The following LILRB4 variants were observed in gnomAD, a reference collection of about 807,000 sequenced individuals.
LILRB4 encodes leukocyte immunoglobulin like receptor B4, also known as leukocyte immunoglobulin-like receptor subfamily B member 4.
In LILRB4, 49 loss-of-function variants were observed where a neutral mutation model predicts 55.2. That is an observed-to-expected ratio of 0.89 (90% CI 0.71 to 1.13). LILRB4 has a LOEUF of 1.13. Ranked by LOEUF, LILRB4 falls within the 50% of genes most tolerant of loss-of-function variation. The pLI is 0.00. For missense variants in LILRB4, 590 were observed against 555.2 expected, an observed-to-expected ratio of 1.06 and a Z score of -0.63; for synonymous variants, 229 against 213.8, an observed-to-expected ratio of 1.07 and a Z score of -0.62.
chr19:54,664,946 T>G, intron 5 of LILRB4, 97 bp downstream of exon 5: 1 of 1,409,010 alleles, frequency 7.1e-7, no homozygotes, highest in Non-Finnish European at 9.9e-7. Flanking sequence ...AATTCTCAGC[T>G]GGGCTTGCTT....
chr19:54,665,828 C>G lies in LILRB4; in HGVS notation c.771C>G (p.His257Gln). ...ATCACGCCCAAGGTCTGAGAAGGCA[C>G]TGGGAGGTACTGATCGGGGTCTTGG... The change falls in exon 7 of 12, where the codon CAC becomes CAG. Residue 257 changes from histidine (H) to glutamine (Q), a missense_variant. By Grantham distance (24) the His-to-Gln change is conservative. Coordinates refer to ENST00000430952, the Ensembl canonical transcript of LILRB4. The surrounding 1 kb of genome is among the most constrained non-coding windows in gnomAD (Gnocchi z 5.5). 2.5e-6 allele frequency: 4 copies of G among 1,609,172 alleles called. No homozygotes were observed. Among genetic ancestry groups the G allele is most frequent in the Non-Finnish European group, 3.4e-6 (4 of 1,177,866 alleles).
chr19:54,666,820 G>A lies in LILRB4; in HGVS notation c.1041+71G>A. The A allele has an allele frequency of 1.4e-6, 2 of 1,421,042 alleles. No homozygotes were observed. The highest frequency in any genetic ancestry group is 1.0e-6 in the Non-Finnish European group (1 of 1,004,928). The allele number at this position is 1,421,042 out of a possible 1,614,324, so 88.0% of individuals were successfully genotyped here. ...AGATCTAATCCTGCAGGACTTCTCT[G>A]TCCTCCTTCCCCCGGCTCTCAGCAT... On this transcript the variant is annotated intron_variant, in intron 10 of 11. Coordinates refer to ENST00000430952, the Ensembl canonical transcript of LILRB4. The surrounding 1 kb of genome is among the most constrained non-coding windows in gnomAD (Gnocchi z 4.8).
rs2065223723 is a variant in LILRB4, at chr19:54,665,454, A to T, written c.757+274A>T. 6.6e-6 allele frequency among the ~76,000 whole-genome samples: 1 copy of T among 151,708 alleles called. No homozygotes were observed. Among genetic ancestry groups the T allele is most frequent in the Admixed American group, 6.6e-5 (1 of 15,252 alleles). ...GCCTGTCCGGTCCCACCTGCAGCAG[A>T]GACGGTGACCTGGGGCAGGGGAGGG... On this transcript the variant is annotated intron_variant, in intron 6 of 11. Transcript: ENST00000430952. This position sits in a 1 kb window ranked among gnomAD's most constrained non-coding sequence, Gnocchi z 5.5.
chr19:54,667,775 C>A, exon 11 of LILRB4: 1 of 1,610,928 alleles, frequency 6.2e-7, no homozygotes, highest in Middle Eastern at 2.1e-4. Flanking sequence ...CAGAAGAGGA[C>A]AGACAGATGG....
exon 12 of LILRB4, chr19:54,668,313 A>C: frequency 5.9e-6 from 2 of 339,190 alleles, no homozygotes; most frequent in Non-Finnish European, 1.1e-5. Flanking sequence ...CATCAAACCA[A>C]TGACATGGGA....
Position 54,665,610 on chromosome 19 carries a change from G to T in LILRB4, c.758-205G>T, listed in dbSNP as rs1358810239. 6.6e-6 allele frequency among the ~76,000 whole-genome samples: 1 copy of T among 152,170 alleles called. No individual in the cohort carries two copies. Among genetic ancestry groups the T allele is most frequent in the Non-Finnish European group, 1.5e-5 (1 of 68,022 alleles). On this transcript the variant is annotated intron_variant, in intron 6 of 11. Transcript: ENST00000430952. This position sits in a 1 kb window ranked among gnomAD's most constrained non-coding sequence, Gnocchi z 5.5. ...CAGCTCTGCCGCTTCCTGGCTGGAG[G>T]GGTCTGGGGCAGGCGATTCCCCTCT...
intron 2 of LILRB4, 86 bp downstream of exon 2, chr19:54,663,653 T>C (rs780478488): frequency 1.2e-6 from 2 of 1,610,682 alleles, no homozygotes; most frequent in African/African-American, 2.7e-5. Flanking sequence ...GAGACAGCAG[T>C]TCTGGGTGAC....
At chr19:54,663,678 G>T (rs1435018767) in intron 2 of LILRB4, 76 bp from the exon 3 acceptor site, 1 of 1,607,826 alleles carries the variant, frequency 6.2e-7, no homozygotes, top group Non-Finnish European at 8.5e-7. Context: ...GAGGATGACG[G>T]GGGGGTCCTG....
exon 4 of LILRB4, chr19:54,664,284 A>G (rs752763780): frequency 6.2e-7 from 1 of 1,614,030 alleles, no homozygotes; most frequent in South Asian, 1.1e-5. Flanking sequence ...CCCAATGGAC[A>G]CTTTTCTTCT....
In LILRB4 at chr19:54,665,784, C is replaced by A; in HGVS notation, c.758-31C>A. ...CAGTAGGTGTGCACATCAATGACAT[C>A]ATCCCCATTCCTGATGTCATCACGC... On this transcript the variant is annotated intron_variant, in intron 6 of 11. Coordinates refer to ENST00000430952, the Ensembl canonical transcript of LILRB4. This position sits in a 1 kb window ranked among gnomAD's most constrained non-coding sequence, Gnocchi z 5.5. 5 of 1,573,128 alleles carry A rather than the reference C, an allele frequency of 3.2e-6. No individual in the cohort carries two copies. Among genetic ancestry groups the A allele is most frequent in the Non-Finnish European group, 4.3e-6 (5 of 1,159,326 alleles).
At chr19:54,664,703 G>A in intron 4 of LILRB4, 96 bp from the exon 5 acceptor site, 1 of 1,103,294 alleles carries the variant, frequency 9.1e-7, no homozygotes, top group Non-Finnish European at 1.3e-6. Flanking sequence ...AATGGTCCTT[G>A]GGAAGCTGCA....
In LILRB4 at chr19:54,665,190, G is replaced by A. The variant is rs774135762; in HGVS notation, c.757+10G>A. 3 of 1,592,748 alleles carry A rather than the reference G, an allele frequency of 1.9e-6. No homozygotes were observed. The highest frequency in any genetic ancestry group is 2.3e-5 in the East Asian group (1 of 43,586). ...TCAGTCCCCCACAGTGGTGAGTGAG[G>A]GGCTCTGAGTGGGAGGTGGGCAGGG... On this transcript the variant is annotated intron_variant, in intron 6 of 11. Transcript: ENST00000430952. This position sits in a 1 kb window ranked among gnomAD's most constrained non-coding sequence, Gnocchi z 5.5.
exon 4 of LILRB4, chr19:54,664,475 C>T: frequency 6.2e-7 from 1 of 1,603,002 alleles, no homozygotes; most frequent in Non-Finnish European, 8.5e-7. Flanking sequence ...CCCTGGAGCT[C>T]ATAGTCTCAG....
At position 54,667,971 on chromosome 19, in the gene LILRB4, G is replaced by A. The variant is rs200899111; in HGVS notation, c.1296G>A (p.Gly432=). The A allele has an allele frequency of 9.9e-5, 159 of 1,613,746 alleles. No individual in the cohort carries two copies. In the South Asian group the frequency reaches 1.7e-3, roughly 17 times the overall value. ...CTGAGCCTCCTCCATCCCAGGAAGGGGCCTCTCCAGCTGAGCCCAGTGTCT... is the reference window on the plus strand; with the variant it reads ...CTGAGCCTCCTCCATCCCAGGAAGGAGCCTCTCCAGCTGAGCCCAGTGTCT... Residue 432 remains glycine (G), a synonymous_variant, in exon 12 of 12, where the codon GGG becomes GGA. Transcript: ENST00000430952.
rs111690414 is a variant in LILRB4 at position 54,666,458 on chromosome 19, T to G, written c.988+22T>G. The stretch of plus-strand genomic sequence containing the variant: ...TTCTGTGAGTGAGAGGCAGAGAAGG[T>G]GCACCTGGGGTGGAGCTGGGGGTCC... On this transcript the variant is annotated intron_variant, in intron 9 of 11. Coordinates refer to ENST00000430952, the Ensembl canonical transcript of LILRB4. This position sits in a 1 kb window ranked among gnomAD's most constrained non-coding sequence, Gnocchi z 4.8. 4,486 of 1,613,842 alleles carry G rather than the reference T, an allele frequency of 2.8e-3. 13 individuals carry two copies. Among genetic ancestry groups the G allele is most frequent in the Non-Finnish European group, 3.4e-3 (4,013 of 1,179,788 alleles).
At chr19:54,664,949 G>T (rs758636612) in intron 5 of LILRB4, 100 bp downstream of exon 5, 1 of 1,406,808 alleles carries the variant, frequency 7.1e-7, no homozygotes, top group African/African-American at 1.4e-5. Flanking sequence ...TCTCAGCTGG[G>T]CTTGCTTCCA....
chr19:54,663,942 T>C, exon 3 of LILRB4: 1 of 1,614,082 alleles, frequency 6.2e-7, no homozygotes, highest in Non-Finnish European at 8.5e-7. Flanking sequence ...CTCCATCCCA[T>C]CCATGACAGA....
In LILRB4 at chr19:54,667,972, G is replaced by GAA. The variant is rs1378441162; in HGVS notation, c.1297_1298insAA (p.Ala433GlufsTer41). On this transcript the variant is annotated frameshift_variant, in exon 12 of 12. Coordinates refer to ENST00000430952, the Ensembl canonical transcript of LILRB4. LOFTEE classifies it high-confidence loss of function. ...TGAGCCTCCTCCATCCCAGGAAGGG[G>GAA]CCTCTCCAGCTGAGCCCAGTGTCTA... The GAA allele has an allele frequency of 5.0e-6, 8 of 1,613,704 alleles. No homozygotes were observed. In the Admixed American group the frequency reaches 5.0e-5, roughly 10 times the overall value.
chr19:54,664,212 G>A (rs747330386), exon 4 of LILRB4: 3 of 1,613,856 alleles, frequency 1.9e-6, no homozygotes, highest in Non-Finnish European at 2.5e-6. Context: ...CACCCTTTCA[G>A]CCCTGCCGAG....
Sources: allele counts gnomAD v4.1 joint callset (sites outside exome capture counted in the v4.1 genomes callset), GRCh38; gene constraint gnomAD v4.1.1; non-coding constraint Gnocchi (gnomAD v3.1); transcripts MANE v1.5; gene names NCBI Gene and HGNC (gene_info 2026-07-23, HGNC 2026-07-21).